The following ZNF407 variants were observed in gnomAD, a reference collection of about 807,000 sequenced individuals.
The protein encoded by ZNF407 is zinc finger protein 407.
Under a neutral mutation model 131.2 loss-of-function variants are expected in ZNF407, and 17 were observed. That is an observed-to-expected ratio of 0.13 (90% confidence interval 0.09 to 0.19). ZNF407 has a LOEUF of 0.19. Among genes scored for constraint, ZNF407 ranks in the 10% least tolerant of loss-of-function variants. The pLI is 1.00. For synonymous variants in ZNF407, 1,156 were observed against 1,062.0 expected, an observed-to-expected ratio of 1.09 and a Z score of -1.72; for missense variants, 2,681 against 2,830.6, an observed-to-expected ratio of 0.95 and a Z score of 1.20.
intron 1 of ZNF407, among the ~76,000 whole-genome samples, chr18:74,629,326 A>G (rs960219242): frequency 5.9e-5 from 9 of 152,102 alleles, no homozygotes; most frequent in Non-Finnish European, 5.9e-5. Context: ...GTATCTTTTC[A>G]TATGTGTATT....
At chr18:74,837,444 T>C (rs543105372) in intron 4 of ZNF407, among the ~76,000 whole-genome samples, 2 of 152,156 alleles carry the variant, frequency 1.3e-5, no homozygotes, top group East Asian at 3.9e-4. Context: ...TAATAATGCC[T>C]GTTAGTACTG....
Position 75,063,573 on chromosome 18 carries a change from A to G in ZNF407, c.5852A>G (p.His1951Arg). 6.4e-7 allele frequency: 1 copy of G among 1,567,806 alleles called. No homozygotes were observed. Among genetic ancestry groups the G allele is most frequent in the Admixed American group, 1.9e-5 (1 of 52,854 alleles). Residue 1951 changes from histidine to arginine, a missense_variant, in exon 9 of 9, where the codon CAC becomes CGC. Physicochemically the swap from His to Arg is conservative, Grantham distance 29. Around this residue, in one of 6 missense-constraint regions of ZNF407, gnomAD observed 620 missense variants for 583.1 expected, o/e 1.06. Transcript: ENST00000299687. The surrounding 1 kb of genome is among the most constrained non-coding windows in gnomAD (Gnocchi z 6.6). Reference sequence around the variant, plus strand: ...GTCGTGGGGGGCTCCATGGAAGGCCACGGCATGGATGAGTCCCTCAGTCCA... The same window carrying G: ...GTCGTGGGGGGCTCCATGGAAGGCCGCGGCATGGATGAGTCCCTCAGTCCA... Reference protein sequence around the residue: ...VVVVGGSMEGHGMDESLSPGG... With the variant: ...VVVVGGSMEGRGMDESLSPGG...
chr18:74,874,640 C>T (rs769323434), intron 4 of ZNF407, among the ~76,000 whole-genome samples: 1 of 152,186 alleles, frequency 6.6e-6, no homozygotes, highest in Non-Finnish European at 1.5e-5. Context: ...CCAGTTGTCA[C>T]CTGTTTTTAA....
rs757287062 is a variant in ZNF407 at position 75,048,597 on chromosome 18, T to C, written c.5429-14553T>C. On this transcript the variant is annotated intron_variant, in intron 8 of 8. Transcript: ENST00000299687. This position sits in a 1 kb window ranked among gnomAD's most constrained non-coding sequence, Gnocchi z 4.1. Reference sequence around the variant, plus strand: ...CAGTAATAACTGACAGGACTCTAACTCTCAGCTCGATGTGAAAACAAGAGA... The same window carrying C: ...CAGTAATAACTGACAGGACTCTAACCCTCAGCTCGATGTGAAAACAAGAGA... Among the ~76,000 whole-genome samples the C allele has an allele frequency of 6.6e-6, 1 of 152,128 alleles. No individual in the cohort carries two copies. Among genetic ancestry groups the C allele is most frequent in the South Asian group, 2.1e-4 (1 of 4,826 alleles).
At chr18:75,008,187 C>T (rs573582545) in intron 8 of ZNF407, among the ~76,000 whole-genome samples, 18 of 152,222 alleles carry the variant, frequency 1.2e-4, no homozygotes, top group African/African-American at 3.1e-4. Context: ...TGCTGACCTC[C>T]GTGCAAGTCC....
In ZNF407 at chr18:74,635,726, G is replaced by A. The variant is rs752415855; in HGVS notation, c.4687+20G>A. On this transcript the variant is annotated intron_variant, in intron 2 of 8. Coordinates refer to ENST00000299687, the MANE Select transcript of ZNF407 (RefSeq NM_017757.3). This position sits in a 1 kb window ranked among gnomAD's most constrained non-coding sequence, Gnocchi z 4.7. The stretch of plus-strand genomic sequence containing the variant: ...ACACAGGTATGTAGCTCTGCAGCAA[G>A]CCAAGTCAGTGAGGACATGGGGCCA... The A allele has an allele frequency of 7.8e-6, 12 of 1,543,898 alleles. No individual in the cohort carries two copies. The highest frequency in any genetic ancestry group is 1.0e-5 in the Non-Finnish European group (12 of 1,145,720).
At chr18:74,640,879 A>C (rs933926770) in intron 2 of ZNF407, 129 bp from the exon 3 acceptor site, 1 of 661,162 alleles carries the variant, frequency 1.5e-6, no homozygotes, top group African/African-American at 1.8e-5. Context: ...AATGAATGCA[A>C]GTATTCCATT....
chr18:74,960,785 A>C (rs1156858863), intron 8 of ZNF407, among the ~76,000 whole-genome samples: 2 of 141,638 alleles, frequency 1.4e-5, no homozygotes, highest in Non-Finnish European at 3.1e-5. Flanking sequence ...GGGATAGGAG[A>C]AGGTCCTGAG....
Position 74,789,166 on chromosome 18 carries a change from G to A in ZNF407, c.4877+7664G>A, listed in dbSNP as rs189434982. Among the ~76,000 whole-genome samples, 59 of 152,278 alleles carry A rather than the reference G, an allele frequency of 3.9e-4. No homozygotes were observed. In the Middle Eastern group the frequency reaches 0.01, roughly 26 times the overall value. ...TTTTCGTAGGTATAAGATTGAGGAT[G>A]CTATTCCAGGGAGTGTCTGGGAGAG... On this transcript the variant is annotated intron_variant, in intron 4 of 8. Transcript: ENST00000299687.
intron 8 of ZNF407, among the ~76,000 whole-genome samples, chr18:75,050,203 T>A (rs893042554): frequency 1.3e-5 from 2 of 152,210 alleles, no homozygotes; most frequent in Non-Finnish European, 2.9e-5. Context: ...TATTACCATA[T>A]AATATATTAC....
At chr18:74,608,722 C>T (rs1023744310) in intron 1 of ZNF407, among the ~76,000 whole-genome samples, 7 of 152,100 alleles carry the variant, frequency 4.6e-5, no homozygotes, top group Non-Finnish European at 8.8e-5. Flanking sequence ...TGTAGAATGT[C>T]CCTCAGTTTG....
intron 1 of ZNF407, among the ~76,000 whole-genome samples, chr18:74,609,265 G>C (rs966190935): frequency 3.3e-5 from 5 of 152,246 alleles, no homozygotes; most frequent in Non-Finnish European, 7.4e-5. Flanking sequence ...TGTGCAGGGG[G>C]GATACATTCT....
chr18:74,979,385 G>C (rs913086254), intron 8 of ZNF407, among the ~76,000 whole-genome samples: 2 of 152,148 alleles, frequency 1.3e-5, no homozygotes, highest in Non-Finnish European at 2.9e-5. Context: ...TCTGCCTCCC[G>C]GGTTCGAGCA....
intron 4 of ZNF407, among the ~76,000 whole-genome samples, chr18:74,853,198 T>G (rs1034128732): frequency 6.6e-6 from 1 of 152,204 alleles, no homozygotes; most frequent in Non-Finnish European, 1.5e-5. Context: ...CAATTAATGC[T>G]CCTAGCCACT....
intron 4 of ZNF407, among the ~76,000 whole-genome samples, chr18:74,807,496 T>A (rs188351299): frequency 9.2e-5 from 14 of 152,188 alleles, no homozygotes; most frequent in Admixed American, 9.2e-4. Context: ...AGTTCCCCTA[T>A]GATAGTATTT....
At chr18:74,753,069 T>G (rs535055822) in intron 3 of ZNF407, among the ~76,000 whole-genome samples, 6 of 152,318 alleles carry the variant, frequency 3.9e-5, no homozygotes, top group African/African-American at 1.2e-4. Flanking sequence ...GGTTTGTATT[T>G]CTCCTTGAAG....
intron 3 of ZNF407, among the ~76,000 whole-genome samples, chr18:74,651,455 G>T (rs1985221681): frequency 6.6e-6 from 1 of 152,136 alleles, no homozygotes; most frequent in Admixed American, 6.5e-5. Flanking sequence ...TGAAGAAGAG[G>T]CCGATAATTT....
intron 4 of ZNF407, among the ~76,000 whole-genome samples, chr18:74,851,381 A>T (rs1192725468): frequency 6.6e-6 from 1 of 152,226 alleles, no homozygotes; most frequent in Non-Finnish European, 1.5e-5. Flanking sequence ...CCTGATATAA[A>T]ACATTTATGT....
At chr18:74,799,006 T>C (rs981201042) in intron 4 of ZNF407, among the ~76,000 whole-genome samples, 2 of 152,098 alleles carry the variant, frequency 1.3e-5, no homozygotes, top group African/African-American at 4.8e-5. Flanking sequence ...GGTGATGTAG[T>C]TAACATCAAA....
Sources: gnomAD v4.1 joint callset for allele counts (sites outside exome capture counted in the v4.1 genomes callset) on GRCh38, gnomAD v4.1.1 for gene constraint, gnomAD v4.1.1 regional missense constraint, Gnocchi (gnomAD v3.1) non-coding constraint, MANE v1.5 for transcripts, NCBI Gene and HGNC (gene_info 2026-07-23, HGNC 2026-07-21) for gene names.